CCDC192: variants seen among roughly 807,000 people sequenced by gnomAD.
CCDC192 encodes the protein coiled-coil domain-containing protein 192.
intron 2 of CCDC192, among the ~76,000 whole-genome samples, chr5:127,735,538 T>C (rs1319026798): frequency 1.3e-5 from 1 of 76,560 alleles, no homozygotes. Context: ...ATTTTCACAA[T>C]ATTGATTCTT....
At chr5:127,793,929 A>G (rs1230098783) in intron 3 of CCDC192, among the ~76,000 whole-genome samples, 1 of 152,230 alleles carries the variant, frequency 6.6e-6, no homozygotes, top group East Asian at 1.9e-4. Flanking sequence ...GTTGTAAGGT[A>G]GGGTTTGCTT....
chr5:127,747,015 GA>G (rs1301754012), intron 2 of CCDC192, among the ~76,000 whole-genome samples: 1 of 150,470 alleles, frequency 6.6e-6, no homozygotes, highest in East Asian at 1.9e-4. Context: ...AAGCCATAGG[GA>G]AAAAAATAAA....
chr5:127,867,821 T>C (rs1332237768), intron 5 of CCDC192, among the ~76,000 whole-genome samples: 2 of 152,200 alleles, frequency 1.3e-5, no homozygotes, highest in African/African-American at 4.8e-5. Context: ...AGCTTCTTTC[T>C]TTCTCAAAAA....
intron 5 of CCDC192, among the ~76,000 whole-genome samples, chr5:127,842,685 T>C (rs1289382316): frequency 1.3e-5 from 2 of 152,186 alleles, no homozygotes; most frequent in Admixed American, 6.5e-5. Context: ...TTTTGAAATG[T>C]AGTGAATGCT....
intron 5 of CCDC192, among the ~76,000 whole-genome samples, chr5:127,854,256 C>T (rs1466789270): frequency 6.6e-6 from 1 of 152,090 alleles, no homozygotes; most frequent in East Asian, 1.9e-4. Context: ...CTGGTGTTTC[C>T]AGAGACAATC....
chr5:127,716,592 A>G (rs1156414384), intron 2 of CCDC192, among the ~76,000 whole-genome samples: 1 of 151,934 alleles, frequency 6.6e-6, no homozygotes, highest in African/African-American at 2.4e-5. Flanking sequence ...CAGGTTTACT[A>G]TTTCTTCATG....
In CCDC192 at chr5:127,736,812, TTCTC is replaced by T. The variant is rs1354118244; in HGVS notation, c.115-17452_115-17449del. Reference sequence around the variant, plus strand: ...ATTTTTTATTGTGTCTATTTGATTCTTCTCTCTTTTTTTCTTTATTAGTCTTGCT... The same window carrying T: ...ATTTTTTATTGTGTCTATTTGATTCTTCTTTTTTTCTTTATTAGTCTTGCT... On this transcript the variant is annotated intron_variant, in intron 2 of 6. Coordinates refer to ENST00000514853, the MANE Select transcript of CCDC192 (RefSeq NM_001317938.2). Among the ~76,000 whole-genome samples, 4 of 150,198 alleles carry T rather than the reference TTCTC, an allele frequency of 2.7e-5. No homozygotes were observed. In the East Asian group the frequency reaches 7.8e-4, roughly 29 times the overall value.
rs532574411 is a variant in CCDC192, at chr5:127,711,570, A to C, written c.114+3810A>C. On this transcript the variant is annotated intron_variant, in intron 2 of 6. Coordinates refer to ENST00000514853, the MANE Select transcript of CCDC192 (RefSeq NM_001317938.2). ...ACTATTAGTTTTGCTGGAAACATAC[A>C]TTTGGTCATATTTCTGGTATCTATA... is the stretch of plus-strand genomic sequence containing the variant. 2.1e-4 allele frequency among the ~76,000 whole-genome samples: 32 copies of C among 152,248 alleles called. No individual in the cohort carries two copies. In the East Asian group the frequency reaches 2.1e-3, roughly 10 times the overall value.
chr5:127,786,155 GT>G, intron 3 of CCDC192: 4 of 1,101,322 alleles, frequency 3.6e-6, no homozygotes, highest in South Asian at 1.3e-5. Flanking sequence ...ATTTCCAAGT[GT>G]TTTTCAATGA....
chr5:127,850,299 C>A (rs1750739253), intron 5 of CCDC192, among the ~76,000 whole-genome samples: 2 of 152,110 alleles, frequency 1.3e-5, no homozygotes, highest in Admixed American at 1.3e-4. Flanking sequence ...GGAAAGGATC[C>A]CCCCAGAGAA....
intron 6 of CCDC192, among the ~76,000 whole-genome samples, chr5:127,906,687 G>A (rs567441159): frequency 4.9e-4 from 74 of 152,262 alleles, no homozygotes; most frequent in Non-Finnish European, 7.5e-4. Flanking sequence ...TTGGGAGGCT[G>A]AGGCAGGAGG....
chr5:127,744,008 G>A lies in CCDC192; in HGVS notation c.115-10260G>A, dbSNP rs150623297. Among the ~76,000 whole-genome samples, 661 of 150,898 alleles carry A rather than the reference G, an allele frequency of 4.4e-3. 3 individuals carry two copies. Among genetic ancestry groups the A allele is most frequent in the Non-Finnish European group, 7.3e-3 (494 of 67,688 alleles). ...ACTCGGGAGGCTGAGGCAGGAGAATGGCATGAACCCAGGAGGCAGAGCTTG... is the reference window on the plus strand; with the variant it reads ...ACTCGGGAGGCTGAGGCAGGAGAATAGCATGAACCCAGGAGGCAGAGCTTG... On this transcript the variant is annotated intron_variant, in intron 2 of 6. Transcript: ENST00000514853.
At chr5:127,878,348 C>T (rs541120339) in intron 6 of CCDC192, among the ~76,000 whole-genome samples, 1 of 152,272 alleles carries the variant, frequency 6.6e-6, no homozygotes, top group East Asian at 1.9e-4. Flanking sequence ...TGGTCATGTC[C>T]CCACCACTGG....
At chr5:127,740,802 C>A (rs1209128850) in intron 2 of CCDC192, among the ~76,000 whole-genome samples, 1 of 152,160 alleles carries the variant, frequency 6.6e-6, no homozygotes, top group Non-Finnish European at 1.5e-5. Context: ...TCACTTTACT[C>A]ATGAGCTGAC....
intron 6 of CCDC192, among the ~76,000 whole-genome samples, chr5:127,912,428 A>AAAAAAAAAAAAT: frequency 6.6e-6 from 1 of 150,932 alleles, no homozygotes; most frequent in Non-Finnish European, 1.5e-5. Flanking sequence ...GCAAAAAAAA[A>AAAAAAAAAAAAT]AAAAAAAAAA....
At chr5:127,770,225 C>G (rs535313502) in intron 3 of CCDC192, among the ~76,000 whole-genome samples, 1 of 152,322 alleles carries the variant, frequency 6.6e-6, no homozygotes, top group Non-Finnish European at 1.5e-5. Context: ...GCTGACATTA[C>G]AGGTGCAAGC....
chr5:127,937,828 G>A (rs1249282032), intron 6 of CCDC192, among the ~76,000 whole-genome samples: 2 of 152,210 alleles, frequency 1.3e-5, no homozygotes, highest in African/African-American at 2.4e-5. Context: ...GTCTAAAAAC[G>A]TTTTGACCAG....
At chr5:127,892,141 G>A (rs570266401) in intron 6 of CCDC192, among the ~76,000 whole-genome samples, 6 of 152,276 alleles carry the variant, frequency 3.9e-5, no homozygotes, top group African/African-American at 1.4e-4. Context: ...AAGAATGTTG[G>A]TTACAATAAT....
At chr5:127,777,108 T>A (rs1755910085) in intron 3 of CCDC192, among the ~76,000 whole-genome samples, 1 of 152,098 alleles carries the variant, frequency 6.6e-6, no homozygotes, top group South Asian at 2.1e-4. Flanking sequence ...ACAGCTTACA[T>A]CCTGTGCCTG....
Sources: gnomAD v4.1 joint callset for allele counts (sites outside exome capture counted in the v4.1 genomes callset) on GRCh38, gnomAD v4.1.1 for gene constraint, MANE v1.5 for transcripts, NCBI Gene and HGNC (gene_info 2026-07-23, HGNC 2026-07-21) for gene names.